The following FGD4 variants were observed in gnomAD, a reference collection of about 807,000 sequenced individuals.
FGD4 encodes FYVE, RhoGEF and PH domain containing 4.
FGD4 carries 42 observed loss-of-function variants against 102.0 expected under a neutral mutation model. The observed-to-expected ratio is 0.41, with a 90% CI of 0.32 to 0.53. The LOEUF is 0.53. Ranked by LOEUF, FGD4 falls within the 20% of genes least tolerant of loss-of-function variation. FGD4 has a pLI of 0.21. For missense variants in FGD4, 902 were observed against 1,078.2 expected, an observed-to-expected ratio of 0.84 and a Z score of 2.29; for synonymous variants, 380 against 375.7, an observed-to-expected ratio of 1.01 and a Z score of -0.13.
chr12:32,405,868 T>G (rs1041247441), intron 1 of FGD4, among the ~76,000 whole-genome samples: 2 of 151,886 alleles, frequency 1.3e-5, no homozygotes, highest in African/African-American at 2.4e-5. Flanking sequence ...CTTACTCAAA[T>G]CTCTTTTTTT....
intron 10 of FGD4, among the ~76,000 whole-genome samples, chr12:32,614,633 C>T (rs1044586988): frequency 4.6e-5 from 7 of 152,296 alleles, no homozygotes; most frequent in African/African-American, 9.6e-5. Flanking sequence ...GGCAATTTTT[C>T]GAGAGTTTTG....
chr12:32,521,862 C>T (rs550457526), intron 1 of FGD4, among the ~76,000 whole-genome samples: 1 of 152,232 alleles, frequency 6.6e-6, no homozygotes, highest in African/African-American at 2.4e-5. Context: ...AGTTCCACTA[C>T]TGATGAACTG....
chr12:32,577,533 A>G (rs1201434621), intron 3 of FGD4, among the ~76,000 whole-genome samples: 13 of 152,190 alleles, frequency 8.5e-5, no homozygotes, highest in African/African-American at 2.4e-4. Context: ...GGTTCCTCCT[A>G]TCAATTTCCT....
Position 32,582,219 on chromosome 12 carries a change from G to A in FGD4, c.763G>A (p.Ala255Thr). The A allele has an allele frequency of 6.2e-7, 1 of 1,614,208 alleles. No homozygotes were observed. Among genetic ancestry groups the A allele is most frequent in the Non-Finnish European group, 8.5e-7 (1 of 1,180,038 alleles). Residue 255 changes from alanine (A) to threonine (T), a missense_variant, in exon 4 of 17, where the codon GCT (alanine) becomes ACT (threonine). Around this residue, in one of 2 missense-constraint regions of FGD4, gnomAD observed 443 missense variants for 459.2 expected, o/e 0.96. Coordinates refer to ENST00000534526, the MANE Select transcript of FGD4 (RefSeq NM_001370298.3). ...ATLSSDTSIQ[A>T]SEPLLDTHIV... Reference sequence around the variant, plus strand: ...TCTTAGCTCAGATACTTCTATTCAAGCTTCTGAACCCTTGCTTGATACGCA... The same window carrying A: ...TCTTAGCTCAGATACTTCTATTCAAACTTCTGAACCCTTGCTTGATACGCA...
intron 1 of FGD4, among the ~76,000 whole-genome samples, chr12:32,425,757 G>T (rs1174362712): frequency 1.3e-5 from 2 of 152,232 alleles, no homozygotes; most frequent in East Asian, 3.9e-4. Flanking sequence ...TTGAGCAGTG[G>T]TTTGTAGTTC....
At chr12:32,478,996 C>G (rs1943653433) in intron 1 of FGD4, among the ~76,000 whole-genome samples, 1 of 152,210 alleles carries the variant, frequency 6.6e-6, no homozygotes, top group African/African-American at 2.4e-5. Context: ...ACTTCTGTAT[C>G]TGCCCAACTT....
At chr12:32,587,921 A>C (rs1203389873) in intron 4 of FGD4, among the ~76,000 whole-genome samples, 2 of 152,196 alleles carry the variant, frequency 1.3e-5, no homozygotes, top group African/African-American at 2.4e-5. Flanking sequence ...TAAGAATGTT[A>C]AGAGGATGGT....
chr12:32,567,601 C>T (rs1945296653), intron 2 of FGD4, among the ~76,000 whole-genome samples: 1 of 151,938 alleles, frequency 6.6e-6, no homozygotes, highest in East Asian at 1.9e-4. Context: ...GCAAAACTCT[C>T]ACCTAGATAA....
chr12:32,565,666 TAA>T (rs1489190764), intron 2 of FGD4, among the ~76,000 whole-genome samples: 1 of 152,304 alleles, frequency 6.6e-6, no homozygotes, highest in Middle Eastern at 3.4e-3. Flanking sequence ...TTGAGAGATA[TAA>T]GAGTGTCCTT....
At position 32,571,139 on chromosome 12, in the gene FGD4, TA is replaced by T. The variant is rs1359397799; in HGVS notation, c.320-5126del. On this transcript the variant is annotated intron_variant, in intron 2 of 16. Coordinates refer to ENST00000534526, the MANE Select transcript of FGD4 (RefSeq NM_001370298.3). ...AGTAAGATTAAATATGAATTTGTTT[TA>T]TGAAATAGTGATTTTCCTTAAGAGT... Among the ~76,000 whole-genome samples, 7 of 152,352 alleles carry T rather than the reference TA, an allele frequency of 4.6e-5. No homozygotes were observed. In the South Asian group the frequency reaches 1.4e-3, roughly 32 times the overall value.
chr12:32,531,631 T>C (rs1421944917), intron 1 of FGD4, among the ~76,000 whole-genome samples: 1 of 152,252 alleles, frequency 6.6e-6, no homozygotes, highest in Non-Finnish European at 1.5e-5. Context: ...CTGTGTGGTA[T>C]GCCATTGTGT....
Position 32,641,800 on chromosome 12 carries a change from G to A in FGD4, c.*1267G>A, listed in dbSNP as rs1393449012. The stretch of plus-strand genomic sequence containing the variant: ...TCCACATGTGATAACCTATGTTTGG[G>A]GTGGGGGCTGGTCACATGATTCCTT... On this transcript the variant is annotated 3_prime_UTR_variant, in exon 17 of 17. Coordinates refer to ENST00000534526, the MANE Select transcript of FGD4 (RefSeq NM_001370298.3). 1 of 152,102 alleles carries A rather than the reference G, an allele frequency of 6.6e-6. No individual in the cohort carries two copies. The highest frequency in any genetic ancestry group is 1.5e-5 in the Non-Finnish European group (1 of 67,974). 9.4% of individuals were successfully genotyped at this position (152,102 alleles called of 1,614,324 possible). A position where few individuals can be genotyped will look rare whatever the true frequency, so the allele number is the denominator to read the frequency against.
intron 1 of FGD4, among the ~76,000 whole-genome samples, chr12:32,538,042 A>T (rs1942459275): frequency 6.6e-6 from 1 of 152,106 alleles, no homozygotes; most frequent in South Asian, 2.1e-4. Context: ...ACTTACAGGC[A>T]CACACCACCA....
At chr12:32,582,640 A>G in intron 4 of FGD4, 173 bp downstream of exon 4, 4 of 767,112 alleles carry the variant, frequency 5.2e-6, no homozygotes, top group Non-Finnish European at 8.3e-6. Flanking sequence ...CTCTAAGCAG[A>G]TATTTCACTT....
At chr12:32,526,014 C>G in intron 1 of FGD4, among the ~76,000 whole-genome samples, 1 of 152,372 alleles carries the variant, frequency 6.6e-6, no homozygotes, top group East Asian at 1.9e-4. Flanking sequence ...CCCTGCTCCA[C>G]GGCGCCCAGT....
chr12:32,585,516 A>T (rs1297473092), intron 4 of FGD4, among the ~76,000 whole-genome samples: 2 of 151,752 alleles, frequency 1.3e-5, no homozygotes, highest in African/African-American at 4.8e-5. Flanking sequence ...AATTGACATA[A>T]TATGATACAG....
rs183898697 is a variant in FGD4 at position 32,609,098 on chromosome 12, A to G, written c.1543+1003A>G. Among the ~76,000 whole-genome samples the G allele has an allele frequency of 3.9e-4, 59 of 152,270 alleles. No homozygotes were observed. In the East Asian group the frequency reaches 0.011, roughly 29 times the overall value. On this transcript the variant is annotated intron_variant, in intron 8 of 16. Coordinates refer to ENST00000534526, the MANE Select transcript of FGD4 (RefSeq NM_001370298.3). ...AGGCTGGTCTTAAACTCCTGACCTC[A>G]GATGATCCACCCACCTCAGCTTCCC... is the stretch of plus-strand genomic sequence containing the variant.
At chr12:32,620,520 CTTT>C (rs1233071153) in intron 11 of FGD4, among the ~76,000 whole-genome samples, 5,199 of 90,598 alleles carry the variant, frequency 0.057, 59 homozygotes, top group African/African-American at 0.093. Context: ...TTTTTTCTTT[CTTT>C]TTTTTTTTTT....
At chr12:32,415,414 CTTTTTTT>C (rs34612851) in intron 1 of FGD4, among the ~76,000 whole-genome samples, 16 of 89,608 alleles carry the variant, frequency 1.8e-4, no homozygotes, top group Non-Finnish European at 1.6e-4. Flanking sequence ...ATCTGTCTCT[CTTTTTTT>C]TTTTTTTTTT....
Sources: allele counts gnomAD v4.1 joint callset (sites outside exome capture counted in the v4.1 genomes callset), GRCh38; gene constraint gnomAD v4.1.1; regional missense constraint gnomAD v4.1.1; transcripts MANE v1.5; gene names NCBI Gene and HGNC (gene_info 2026-07-23, HGNC 2026-07-21).